LEPR: variants seen among roughly 807,000 people sequenced by gnomAD.
LEPR encodes the protein OB receptor.
A neutral mutation model predicts 114.7 loss-of-function variants in LEPR; 56 were observed. The ratio of observed to expected loss-of-function variants is 0.49; its 90% CI spans 0.39 to 0.61. LEPR has a LOEUF of 0.61. Among genes scored for constraint, LEPR ranks in the 20% least tolerant of loss-of-function variants. The pLI is 0.00. For missense variants in LEPR, 1,202 were observed against 1,352.9 expected, an observed-to-expected ratio of 0.89 and a Z score of 1.75; for synonymous variants, 443 against 461.4, an observed-to-expected ratio of 0.96 and a Z score of 0.51.
chr1:65,639,804 A>G lies in LEPR; in HGVS notation c.*2789A>G, dbSNP rs578000441. 5.3e-5 allele frequency: 8 copies of G among 152,312 alleles called. No individual in the cohort carries two copies. Among genetic ancestry groups the G allele is most frequent in the African/African-American group, 1.9e-4 (8 of 41,586 alleles). The allele number at this position is 152,312 out of a possible 1,614,324, so 9.4% of individuals were successfully genotyped here. On this transcript the variant is annotated 3_prime_UTR_variant, in exon 20 of 20. Transcript: ENST00000349533. ...AATAGATTGTTTGAAGAGAAATCAT[A>G]TGTCAGGGTTTGCAGGATTACAGGA...
intron 10 of LEPR, among the ~76,000 whole-genome samples, chr1:65,602,550 C>A (rs1297722347): frequency 2.0e-5 from 3 of 151,878 alleles, no homozygotes; most frequent in Non-Finnish European, 4.4e-5. Context: ...TTTCTAAAAT[C>A]ATTTTATCTA....
chr1:65,526,838 T>C (rs758942474), intron 2 of LEPR, among the ~76,000 whole-genome samples: 1 of 152,202 alleles, frequency 6.6e-6, no homozygotes, highest in Non-Finnish European at 1.5e-5. Context: ...CTCTTTAACT[T>C]GTTACAAACA....
rs758811945 is a variant in LEPR, at chr1:65,555,458, A to G, written c.-20-10088A>G. 3.3e-5 allele frequency among the ~76,000 whole-genome samples: 5 copies of G among 152,136 alleles called. No homozygotes were observed. In the South Asian group the frequency reaches 1.0e-3, roughly 32 times the overall value. On this transcript the variant is annotated intron_variant, in intron 2 of 19. Transcript: ENST00000349533. ...TGAATTCTAAGAATGGCCACAGTAG[A>G]CTCCCTGTTAATATTTCTGAAAAGT... is the stretch of plus-strand genomic sequence containing the variant.
chr1:65,472,782 G>A (rs1570517517), intron 2 of LEPR, among the ~76,000 whole-genome samples: 1 of 152,278 alleles, frequency 6.6e-6, no homozygotes. Flanking sequence ...TGGAAAGGAT[G>A]TGCGCTTTGC....
chr1:65,590,676 A>G (rs1655635947), intron 5 of LEPR, among the ~76,000 whole-genome samples: 1 of 152,054 alleles, frequency 6.6e-6, no homozygotes, highest in African/African-American at 2.4e-5. Flanking sequence ...TCTTCCCTTT[A>G]TAAATTACCC....
chr1:65,479,081 T>C (rs545844700), intron 2 of LEPR, among the ~76,000 whole-genome samples: 1 of 152,232 alleles, frequency 6.6e-6, no homozygotes, highest in East Asian at 1.9e-4. Flanking sequence ...AGAGGATTCA[T>C]GAAGCAAAGT....
chr1:65,614,057 A>G (rs796878898), intron 14 of LEPR, among the ~76,000 whole-genome samples: 12 of 152,318 alleles, frequency 7.9e-5, no homozygotes, highest in African/African-American at 2.6e-4. Flanking sequence ...ACAAATTTAA[A>G]CATAGCCTTA....
intron 17 of LEPR, 83 bp from the exon 18 acceptor site, chr1:65,621,270 A>G: frequency 8.6e-7 from 1 of 1,165,974 alleles, no homozygotes; most frequent in Non-Finnish European, 1.3e-6. Context: ...GAATTCAGAA[A>G]ATGTCTACTA....
At chr1:65,529,620 A>T (rs1650247588) in intron 2 of LEPR, among the ~76,000 whole-genome samples, 3 of 151,942 alleles carry the variant, frequency 2.0e-5, no homozygotes, top group African/African-American at 4.8e-5. Context: ...TCACACTGTT[A>T]AAAAAAACTC....
At chr1:65,446,139 AG>A (rs1646711206) in intron 2 of LEPR, among the ~76,000 whole-genome samples, 1 of 152,150 alleles carries the variant, frequency 6.6e-6, no homozygotes, top group Non-Finnish European at 1.5e-5. Context: ...TGGATTTCTG[AG>A]TTGAATGGTA....
At chr1:65,536,150 C>G (rs1650759157) in intron 2 of LEPR, among the ~76,000 whole-genome samples, 1 of 152,144 alleles carries the variant, frequency 6.6e-6, no homozygotes, top group South Asian at 2.1e-4. Flanking sequence ...TGGAGCAGAT[C>G]CCCAAAGAGT....
chr1:65,449,198 A>G (rs1468186096), intron 2 of LEPR, among the ~76,000 whole-genome samples: 1 of 150,532 alleles, frequency 6.6e-6, no homozygotes, highest in Non-Finnish European at 1.5e-5. Context: ...GATATTAGGA[A>G]TTTGTGTCAT....
chr1:65,578,583 G>C (rs530538430), intron 5 of LEPR, among the ~76,000 whole-genome samples: 1 of 152,270 alleles, frequency 6.6e-6, no homozygotes, highest in South Asian at 2.1e-4. Flanking sequence ...ATGATGCTAT[G>C]TCACAGTTGT....
chr1:65,560,157 AC>A (rs1653210545), intron 2 of LEPR, among the ~76,000 whole-genome samples: 1 of 118,970 alleles, frequency 8.4e-6, no homozygotes, highest in African/African-American at 3.3e-5. Flanking sequence ...GGCCATTTTC[AC>A]GATATTGATT....
intron 5 of LEPR, among the ~76,000 whole-genome samples, chr1:65,578,003 C>T (rs1386255542): frequency 6.6e-6 from 1 of 151,058 alleles, no homozygotes; most frequent in African/African-American, 2.5e-5. Flanking sequence ...TGTTCCCCTC[C>T]CTGTGTCCAT....
intron 2 of LEPR, chr1:65,525,520 A>G (rs2767486): frequency 0.24 from 145,534 of 612,834 alleles, 21,122 homozygotes; most frequent in African/African-American, 0.58. Context: ...CGACCGCCCT[A>G]GCCGCTCGAG....
intron 2 of LEPR, among the ~76,000 whole-genome samples, chr1:65,548,057 C>T (rs576732981): frequency 2.0e-4 from 31 of 151,946 alleles, no homozygotes; most frequent in Admixed American, 5.9e-4. Context: ...GCCTTCATTT[C>T]GTTATGTACC....
rs951285672 is a variant in LEPR at position 65,428,108 on chromosome 1, T to G, written c.-21+2730T>G. 4.6e-5 allele frequency: 7 copies of G among 152,508 alleles called. 1 individual carries two copies. The highest frequency in any genetic ancestry group is 1.7e-4 in the African/African-American group (7 of 41,480). The allele number at this position is 152,508 out of a possible 1,614,324, so 9.4% of individuals were successfully genotyped here. A position where few individuals can be genotyped will look rare whatever the true frequency, so the allele number is the denominator to read the frequency against. ...AGTAGTTGAGATAGTCTTTATGGCT[T>G]GCAGATCCTCGTTATTTACTCTTTG... On this transcript the variant is annotated intron_variant, in intron 2 of 19. Coordinates refer to ENST00000349533, the MANE Select transcript of LEPR (RefSeq NM_002303.6).
intron 2 of LEPR, among the ~76,000 whole-genome samples, chr1:65,556,006 T>C (rs1321544391): frequency 1.3e-5 from 2 of 152,174 alleles, no homozygotes; most frequent in Non-Finnish European, 2.9e-5. Context: ...ACAGAATTCA[T>C]ATGTTGAAAC....
Sources: allele counts gnomAD v4.1 joint callset (sites outside exome capture counted in the v4.1 genomes callset), GRCh38; gene constraint gnomAD v4.1.1; transcripts MANE v1.5; gene names NCBI Gene and HGNC (gene_info 2026-07-23, HGNC 2026-07-21).